The following CTNND2 variants were observed in gnomAD, a reference collection of about 807,000 sequenced individuals.
CTNND2 encodes the protein catenin delta 2, also known as catenin delta-2.
A neutral mutation model predicts 144.4 loss-of-function variants in CTNND2; 22 were observed. The ratio of observed to expected loss-of-function variants is 0.15; its 90% CI spans 0.11 to 0.22. The LOEUF (loss-of-function observed/expected upper bound fraction) is 0.22. CTNND2 is among the 10% of genes least tolerant of loss of function. CTNND2 has a pLI of 1.00. For missense variants in CTNND2, 1,353 were observed against 1,618.8 expected (o/e 0.84, Z 2.82); for synonymous variants, 751 against 695.6 (o/e 1.08, Z -1.25).
rs79958634 is a variant in CTNND2 at position 11,890,947 on chromosome 5, A to G, written c.37+12870T>C. ...CACTAGGGTTATAAGCTAAGGCAAG[A>G]TGTGGGTGAACTAGAAGGAGCCCTA... On this transcript the variant is annotated intron_variant, in intron 1 of 21. Coordinates refer to ENST00000304623, the MANE Select transcript of CTNND2 (RefSeq NM_001332.4). 7.5e-3 allele frequency among the ~76,000 whole-genome samples: 1,148 copies of G among 152,260 alleles called. 10 individuals are homozygous for G. Among genetic ancestry groups the G allele is most frequent in the African/African-American group, 0.026 (1,092 of 41,550 alleles).
chr5:11,904,329 G>A lies in CTNND2; in HGVS notation c.-476C>T, dbSNP rs1202089381. 6.7e-6 allele frequency among the ~76,000 whole-genome samples: 1 copy of A among 149,332 alleles called. No homozygotes were observed. The highest frequency in any genetic ancestry group is 1.5e-5 in the Non-Finnish European group (1 of 67,186). On this transcript the variant is annotated 5_prime_UTR_variant, in exon 1 of 22. Transcript: ENST00000304623. The surrounding 1 kb of genome is among the most constrained non-coding windows in gnomAD (Gnocchi z 4.2). ...GCCGCCGCCGCCTCAGCCGCCGAGGGCGAGGCTCCTCCCGCGGCGCGCGGC... is the reference window on the plus strand; with the variant it reads ...GCCGCCGCCGCCTCAGCCGCCGAGGACGAGGCTCCTCCCGCGGCGCGCGGC...
intron 6 of CTNND2, chr5:11,385,848 G>A (rs1759034859): frequency 8.0e-6 from 1 of 124,860 alleles, no homozygotes; most frequent in South Asian, 3.1e-4. Flanking sequence ...GAATGAATTC[G>A]CTTCGTCTTT....
chr5:11,411,939 ATTACT>A, intron 4 of CTNND2, 91 bp downstream of exon 4: 1 of 994,480 alleles, frequency 1.0e-6, no homozygotes. Flanking sequence ...ATGTTTTCCT[ATTACT>A]TTTCTAAGTC....
chr5:11,687,700 G>C (rs1223694916), intron 2 of CTNND2, among the ~76,000 whole-genome samples: 1 of 152,184 alleles, frequency 6.6e-6, no homozygotes, highest in Non-Finnish European at 1.5e-5. Flanking sequence ...CTTCACAAGA[G>C]GGGAAAAATC....
rs1763244301 is a variant in CTNND2, at chr5:11,431,028, C to T, written c.288-18959G>A. On this transcript the variant is annotated intron_variant, in intron 3 of 21. Transcript: ENST00000304623. ...ATTTGAAAGAAACAATGAATCTATA[C>T]TGCCTATGGAGAATTAGTCAGTAGA... Among the ~76,000 whole-genome samples the T allele has an allele frequency of 2.0e-5, 3 of 152,208 alleles. No individual in the cohort carries two copies. The South Asian group carries it at 6.2e-4, about 32-fold the overall frequency.
At chr5:11,524,570 G>C (rs1395239659) in intron 3 of CTNND2, among the ~76,000 whole-genome samples, 1 of 152,116 alleles carries the variant, frequency 6.6e-6, no homozygotes, top group Non-Finnish European at 1.5e-5. Context: ...ACAAAGCCCT[G>C]CTCAAAAGAA....
At chr5:11,031,031 G>A (rs1430451939) in intron 16 of CTNND2, among the ~76,000 whole-genome samples, 1 of 152,096 alleles carries the variant, frequency 6.6e-6, no homozygotes, top group African/African-American at 2.4e-5. Flanking sequence ...CCCTGGGCAT[G>A]CATACTGGCT....
chr5:11,245,818 G>C (rs1365622874), intron 9 of CTNND2, among the ~76,000 whole-genome samples: 1 of 152,190 alleles, frequency 6.6e-6, no homozygotes, highest in Non-Finnish European at 1.5e-5. Flanking sequence ...AGGGCAAGAA[G>C]GTGAGAGAGG....
chr5:11,331,483 T>C (rs186483197), intron 9 of CTNND2, among the ~76,000 whole-genome samples: 1 of 152,344 alleles, frequency 6.6e-6, no homozygotes, highest in East Asian at 1.9e-4. Context: ...TAATTTTTAA[T>C]AAAATTTTGG....
At chr5:11,879,362 TACACAC>T (rs546769457) in intron 1 of CTNND2, among the ~76,000 whole-genome samples, 21 of 137,104 alleles carry the variant, frequency 1.5e-4, no homozygotes, top group Non-Finnish European at 1.9e-4. Flanking sequence ...TATATACATA[TACACAC>T]ACACACAAAC....
At chr5:11,738,317 G>A (rs1383111998) in intron 1 of CTNND2, among the ~76,000 whole-genome samples, 1 of 152,120 alleles carries the variant, frequency 6.6e-6, no homozygotes, top group African/African-American at 2.4e-5. Flanking sequence ...AGAAAAATTG[G>A]CCTGCATAAC....
At chr5:11,595,789 T>A (rs545083896) in intron 2 of CTNND2, among the ~76,000 whole-genome samples, 1 of 152,196 alleles carries the variant, frequency 6.6e-6, no homozygotes, top group Non-Finnish European at 1.5e-5. Flanking sequence ...CATCCAGTTA[T>A]CAAATACACA....
rs577506989 is a variant in CTNND2 at position 11,021,702 on chromosome 5, A to T, written c.2999+1067T>A. On this transcript the variant is annotated intron_variant, in intron 17 of 21. Transcript: ENST00000304623. ...TCCGAATCTTCTATAATACATTGGT[A>T]CTATCCTGAATTAAGTGAAATAATG... Among the ~76,000 whole-genome samples the T allele has an allele frequency of 1.6e-4, 25 of 152,260 alleles. 1 individual carries two copies. In the South Asian group the frequency reaches 4.8e-3, roughly 29 times the overall value.
chr5:11,121,325 C>G (rs1754118051), intron 12 of CTNND2, among the ~76,000 whole-genome samples: 1 of 152,202 alleles, frequency 6.6e-6, no homozygotes, highest in Non-Finnish European at 1.5e-5. Flanking sequence ...TCCCATTGTA[C>G]TTAAACCATC....
intron 2 of CTNND2, among the ~76,000 whole-genome samples, chr5:11,648,443 T>A (rs1032903656): frequency 6.6e-6 from 1 of 152,152 alleles, no homozygotes; most frequent in Non-Finnish European, 1.5e-5. Flanking sequence ...TACTGACCTA[T>A]CCATTCTTCA....
intron 3 of CTNND2, among the ~76,000 whole-genome samples, chr5:11,433,358 G>GA (rs1298896066): frequency 2.1e-5 from 3 of 144,302 alleles, no homozygotes; most frequent in African/African-American, 8.5e-5. Context: ...TGATGCACCT[G>GA]ATGCACATCC....
Position 11,564,990 on chromosome 5 carries a change from C to G in CTNND2, c.241G>C (p.Glu81Gln). The G allele has an allele frequency of 6.2e-7, 1 of 1,614,128 alleles. No individual in the cohort carries two copies. Among genetic ancestry groups the G allele is most frequent in the Non-Finnish European group, 8.5e-7 (1 of 1,179,982 alleles). Reference sequence around the variant, plus strand: ...GTCTCGGATCCGAGCTTGCATCGCTCCAGCTGGCTGGCTACGATCTGCCGT... The same window carrying G: ...GTCTCGGATCCGAGCTTGCATCGCTGCAGCTGGCTGGCTACGATCTGCCGT... ...AERQIVASQL[E>Q]RCKLGSETGS... The change falls in exon 3 of 22, where the codon GAG becomes CAG. Residue 81 changes from glutamate (E) to glutamine (Q), a missense_variant. This residue lies in a region of CTNND2 where 708 missense variants were observed against 706.4 expected (regional missense o/e 1.00). Coordinates refer to ENST00000304623, the MANE Select transcript of CTNND2 (RefSeq NM_001332.4).
At chr5:11,556,671 G>T (rs1439953958) in intron 3 of CTNND2, among the ~76,000 whole-genome samples, 1 of 152,138 alleles carries the variant, frequency 6.6e-6, no homozygotes, top group Non-Finnish European at 1.5e-5. Flanking sequence ...CTAATAAAGA[G>T]AATGGCCTTT....
At chr5:11,705,782 T>G (rs769576591) in intron 2 of CTNND2, among the ~76,000 whole-genome samples, 1 of 152,214 alleles carries the variant, frequency 6.6e-6, no homozygotes, top group East Asian at 1.9e-4. Flanking sequence ...CACACTTTTA[T>G]GCAGTCCTCC....
Sources: allele counts gnomAD v4.1 joint callset (sites outside exome capture counted in the v4.1 genomes callset), GRCh38; gene constraint gnomAD v4.1.1; regional missense constraint gnomAD v4.1.1; non-coding constraint Gnocchi (gnomAD v3.1); transcripts MANE v1.5; gene names NCBI Gene and HGNC (gene_info 2026-07-23, HGNC 2026-07-21).